TIMM13: variants seen among roughly 807,000 people sequenced by gnomAD.
TIMM13 encodes translocase of inner mitochondrial membrane 13.
Under a neutral mutation model 10.9 loss-of-function variants are expected in TIMM13, and 8 were observed. The observed-to-expected ratio is 0.73, with a 90% confidence interval of 0.43 to 1.32. The LOEUF (loss-of-function observed/expected upper bound fraction) is 1.32. Among genes scored for constraint, TIMM13 ranks in the 40% most tolerant of loss-of-function variants. TIMM13 has a pLI of 0.01. For synonymous variants in TIMM13, 68 were observed against 52.5 expected (o/e 1.30, Z -1.28); for missense variants, 147 against 132.8 (o/e 1.11, Z -0.53).
chr19:2,427,436 G>A lies in TIMM13; in HGVS notation c.98C>T (p.Ala33Val). The part of the protein sequence containing the change: ...MEQVKVQIAV[A>V]NAQELLQRMT... ...CACCTGCAGCAGCTCCTGCGCGTTGGCCACGGCGATCTGCACTTTCACCTG... is the reference window on the plus strand; with the variant it reads ...CACCTGCAGCAGCTCCTGCGCGTTGACCACGGCGATCTGCACTTTCACCTG... Residue 33 changes from alanine to valine, a missense_variant, in exon 1 of 3, where the codon GCC becomes GTC. Coordinates refer to ENST00000215570, the MANE Select transcript of TIMM13 (RefSeq NM_012458.4). 6.2e-7 allele frequency: 1 copy of A among 1,612,790 alleles called. No individual in the cohort carries two copies. The highest frequency in any genetic ancestry group is 8.5e-7 in the Non-Finnish European group (1 of 1,179,682).
chr19:2,427,195 AC>A (rs771989324), intron 2 of TIMM13, 60 bp downstream of exon 2: 841 of 1,587,742 alleles, frequency 5.3e-4, no homozygotes, highest in Non-Finnish European at 6.9e-4. Context: ...GCACGCGCAG[AC>A]ACCTCCCCCC....
chr19:2,427,350 C>T lies in TIMM13; in HGVS notation c.121-26G>A, dbSNP rs761724691. Reference sequence around the variant, plus strand: ...CTGTGGAGACACGCGAGGCTTTAGCCGCGACGTCGGCCCCCAGGGGTGGCC... The same window carrying T: ...CTGTGGAGACACGCGAGGCTTTAGCTGCGACGTCGGCCCCCAGGGGTGGCC... On this transcript the variant is annotated intron_variant, in intron 1 of 2. Coordinates refer to ENST00000215570, the MANE Select transcript of TIMM13 (RefSeq NM_012458.4). The T allele has an allele frequency of 1.1e-5, 18 of 1,612,830 alleles. No individual in the cohort carries two copies. In the South Asian group the frequency reaches 1.6e-4, roughly 15 times the overall value.
chr19:2,426,584 T>C lies in TIMM13; in HGVS notation c.*364A>G. The C allele has an allele frequency of 2.7e-6, 1 of 363,740 alleles. No individual in the cohort carries two copies. The highest frequency in any genetic ancestry group is 5.1e-6 in the Non-Finnish European group (1 of 197,078). The allele number at this position is 363,740 out of a possible 1,614,324, so 22.5% of individuals were successfully genotyped here. A position where few individuals can be genotyped will look rare whatever the true frequency, so the allele number is the denominator to read the frequency against. On this transcript the variant is annotated 3_prime_UTR_variant, in exon 3 of 3. Coordinates refer to ENST00000215570, the MANE Select transcript of TIMM13 (RefSeq NM_012458.4). ...TTTCTCTCCGTCCTCCACCAATTTATTTGCCCATCCGCAGGAGGTGACAGC... is the reference window on the plus strand; with the variant it reads ...TTTCTCTCCGTCCTCCACCAATTTACTTGCCCATCCGCAGGAGGTGACAGC...
In TIMM13 at chr19:2,427,481, TC is replaced by T; in HGVS notation, c.52del (p.Asp18ThrfsTer5). On this transcript the variant is annotated frameshift_variant, in exon 1 of 3. Coordinates refer to ENST00000215570, the MANE Select transcript of TIMM13 (RefSeq NM_012458.4). LOFTEE classifies it high-confidence loss of function. ...CACCTGCTCCATTATGAGCCCTGGG[TC>T]CAGCTTCCCGCTGCCGGAGCCCCCG... ...DFGGSGSGKL[D>X]PGLIMEQVKV... 1.2e-6 allele frequency: 2 copies of T among 1,612,386 alleles called. No homozygotes were observed. Among genetic ancestry groups the T allele is most frequent in the Non-Finnish European group, 1.7e-6 (2 of 1,179,580 alleles).
chr19:2,425,900 G>T lies in TIMM13; in HGVS notation c.*1048C>A. 1 of 1,565,008 alleles carries T rather than the reference G, an allele frequency of 6.4e-7. No homozygotes were observed. ...TGCTGTAGGGGAGGTACCGGCCTCT[G>T]AACCCCCTTTCTTCTCTCCCCAACA... On this transcript the variant is annotated 3_prime_UTR_variant, in exon 3 of 3. Transcript: ENST00000215570.
Position 2,426,747 on chromosome 19 carries a change from G to C in TIMM13, c.*201C>G. On this transcript the variant is annotated 3_prime_UTR_variant, in exon 3 of 3. Coordinates refer to ENST00000215570, the MANE Select transcript of TIMM13 (RefSeq NM_012458.4). ...CACTGGGCTGCCAGCACTTCAGGAA[G>C]GCACAGGGCCCCACACCCCCGAGAT... 3.2e-6 allele frequency: 2 copies of C among 619,382 alleles called. No individual in the cohort carries two copies. The highest frequency in any genetic ancestry group is 5.7e-6 in the Non-Finnish European group (2 of 348,154). The allele number at this position is 619,382 out of a possible 1,614,324, so 38.4% of individuals were successfully genotyped here. A position where few individuals can be genotyped will look rare whatever the true frequency, so the allele number is the denominator to read the frequency against.
In TIMM13 at chr19:2,426,325, C is replaced by G; in HGVS notation, c.*623G>C. The G allele has an allele frequency of 2.7e-6, 1 of 367,238 alleles. No individual in the cohort carries two copies. Among genetic ancestry groups the G allele is most frequent in the Middle Eastern group, 6.9e-4 (1 of 1,456 alleles). The allele number at this position is 367,238 out of a possible 1,614,324, so 22.7% of individuals were successfully genotyped here. ...ACCTGCCTGGTGCTCCACCAGGACC[C>G]GGGGTGGAACGAAGCAGGGTCAAAG... On this transcript the variant is annotated 3_prime_UTR_variant, in exon 3 of 3. Transcript: ENST00000215570.
intron 2 of TIMM13, 64 bp from the exon 3 acceptor site, chr19:2,427,110 C>A (rs752667107): frequency 2.5e-6 from 4 of 1,584,234 alleles, no homozygotes; most frequent in Non-Finnish European, 3.4e-6. Flanking sequence ...CCGCCCTGAC[C>A]CCGGCTCCAG....
rs375431261 is a variant in TIMM13 at position 2,427,441 on chromosome 19, G to A, written c.93C>T (p.Ala31=). 1.1e-5 allele frequency: 18 copies of A among 1,612,690 alleles called. No homozygotes were observed. The highest frequency in any genetic ancestry group is 1.6e-4 in the Middle Eastern group (1 of 6,084). The change falls in exon 1 of 3, where the codon GCC becomes GCT. Residue 31 remains alanine (A), a synonymous_variant. Coordinates refer to ENST00000215570, the MANE Select transcript of TIMM13 (RefSeq NM_012458.4). ...GCAGCAGCTCCTGCGCGTTGGCCAC[G>A]GCGATCTGCACTTTCACCTGCTCCA... is the stretch of plus-strand genomic sequence containing the variant. The part of the protein sequence containing the change: ...LIMEQVKVQI[A]VANAQELLQR...
Position 2,426,755 on chromosome 19 carries a change from G to GC in TIMM13, c.*192dup, listed in dbSNP as rs1971646057. On this transcript the variant is annotated 3_prime_UTR_variant, in exon 3 of 3. Coordinates refer to ENST00000215570, the MANE Select transcript of TIMM13 (RefSeq NM_012458.4). ...TGCCAGCACTTCAGGAAGGCACAGG[G>GC]CCCCACACCCCCGAGATCCAAGCTG... 3 of 640,734 alleles carry GC rather than the reference G, an allele frequency of 4.7e-6. No homozygotes were observed. The highest frequency in any genetic ancestry group is 2.7e-5 in the East Asian group (1 of 36,476). 39.7% of individuals were successfully genotyped at this position (640,734 alleles called of 1,614,324 possible).
chr19:2,426,856 T>TAAGC lies in TIMM13; in HGVS notation c.*88_*91dup. On this transcript the variant is annotated 3_prime_UTR_variant, in exon 3 of 3. Transcript: ENST00000215570. ...TGTCCCAGCACCGGTGCCACCCTCC[T>TAAGC]AAGCCCCGGGCAGGCAGTACGTACA... 7.6e-7 allele frequency: 1 copy of TAAGC among 1,310,872 alleles called. No homozygotes were observed. Among genetic ancestry groups the TAAGC allele is most frequent in the Admixed American group, 2.0e-5 (1 of 50,300 alleles). The allele number at this position is 1,310,872 out of a possible 1,614,324, so 81.2% of individuals were successfully genotyped here.
Position 2,426,727 on chromosome 19 carries a change from G to A in TIMM13, c.*221C>T. 3 of 601,756 alleles carry A rather than the reference G, an allele frequency of 5.0e-6. No homozygotes were observed. Among genetic ancestry groups the A allele is most frequent in the East Asian group, 2.8e-5 (1 of 36,024 alleles). The allele number at this position is 601,756 out of a possible 1,614,324, so 37.3% of individuals were successfully genotyped here. A position where few individuals can be genotyped will look rare whatever the true frequency, so the allele number is the denominator to read the frequency against. On this transcript the variant is annotated 3_prime_UTR_variant, in exon 3 of 3. Transcript: ENST00000215570. ...CAAAGGCCTGAAGGAGGTGCCACTG[G>A]GCTGCCAGCACTTCAGGAAGGCACA...
rs759728385 is a variant in TIMM13 at position 2,427,014 on chromosome 19, C to T, written c.222G>A (p.Met74Ile). ...KCIAMCMDRY[M>I]DAWNTVSRAY... ...CGCGAGACACGGTGTTCCAGGCGTCCATGTAGCGGTCCATGCACATGGCGA... is the reference window on the plus strand; with the variant it reads ...CGCGAGACACGGTGTTCCAGGCGTCTATGTAGCGGTCCATGCACATGGCGA... Residue 74 changes from methionine (M) to isoleucine (I), a missense_variant, in exon 3 of 3, where the codon ATG (methionine) becomes ATA (isoleucine). Transcript: ENST00000215570. The T allele has an allele frequency of 2.5e-6, 4 of 1,609,350 alleles. No homozygotes were observed. Among genetic ancestry groups the T allele is most frequent in the Non-Finnish European group, 3.4e-6 (4 of 1,178,644 alleles).
Position 2,426,111 on chromosome 19 carries a change from G to T in TIMM13, c.*837C>A, listed in dbSNP as rs1453098922. 1 of 1,523,768 alleles carries T rather than the reference G, an allele frequency of 6.6e-7. No homozygotes were observed. 94.4% of individuals were successfully genotyped at this position (1,523,768 alleles called of 1,614,324 possible). ...TGACCACCACGTGACTGCCCAGGCC[G>T]AGACTCTACGTGAAAGCAACAGGAG... On this transcript the variant is annotated 3_prime_UTR_variant, in exon 3 of 3. Transcript: ENST00000215570.
In TIMM13 at chr19:2,426,002, T is replaced by C. The variant is rs756391483; in HGVS notation, c.*946A>G. 6.2e-7 allele frequency: 1 copy of C among 1,607,432 alleles called. No homozygotes were observed. The highest frequency in any genetic ancestry group is 8.5e-7 in the Non-Finnish European group (1 of 1,177,806). ...GCTAACTGGGGTCACTAGCTGGGGC[T>C]ATGGCTGTGGCCGGCCCCACTTCCC... On this transcript the variant is annotated 3_prime_UTR_variant, in exon 3 of 3. Transcript: ENST00000215570.
Position 2,425,902 on chromosome 19 carries a change from AC to A in TIMM13, c.*1045del. On this transcript the variant is annotated 3_prime_UTR_variant, in exon 3 of 3. Transcript: ENST00000215570. ...CTGTAGGGGAGGTACCGGCCTCTGA[AC>A]CCCCTTTCTTCTCTCCCCAACAGGG... 2 of 1,564,780 alleles carry A rather than the reference AC, an allele frequency of 1.3e-6. No individual in the cohort carries two copies. Among genetic ancestry groups the A allele is most frequent in the Non-Finnish European group, 1.7e-6 (2 of 1,161,954 alleles).
Position 2,427,338 on chromosome 19 carries a change from CGA to C in TIMM13, c.121-16_121-15del, listed in dbSNP as rs770707227. 6.2e-7 allele frequency: 1 copy of C among 1,613,146 alleles called. No homozygotes were observed. The highest frequency in any genetic ancestry group is 2.2e-5 in the East Asian group (1 of 44,860). Reference sequence around the variant, plus strand: ...GTCCGTCATCCTCTGTGGAGACACGCGAGGCTTTAGCCGCGACGTCGGCCCCC... The same window carrying C: ...GTCCGTCATCCTCTGTGGAGACACGCGGCTTTAGCCGCGACGTCGGCCCCC... On this transcript the variant is annotated splice_polypyrimidine_tract_variant and intron_variant, in intron 1 of 2. Transcript: ENST00000215570.
chr19:2,425,919 C>G lies in TIMM13; in HGVS notation c.*1029G>C, dbSNP rs375114457. ...GCCTCTGAACCCCCTTTCTTCTCTCCCCAACAGGGTGACGCTGGGGGACCC... is the reference window on the plus strand; with the variant it reads ...GCCTCTGAACCCCCTTTCTTCTCTCGCCAACAGGGTGACGCTGGGGGACCC... On this transcript the variant is annotated 3_prime_UTR_variant, in exon 3 of 3. Coordinates refer to ENST00000215570, the MANE Select transcript of TIMM13 (RefSeq NM_012458.4). 1 of 1,587,218 alleles carries G rather than the reference C, an allele frequency of 6.3e-7. No homozygotes were observed. The highest frequency in any genetic ancestry group is 8.5e-7 in the Non-Finnish European group (1 of 1,171,378).
At position 2,427,397 on chromosome 19, in the gene TIMM13, C is replaced by T; in HGVS notation, c.120+17G>A. 2 of 1,612,032 alleles carry T rather than the reference C, an allele frequency of 1.2e-6. No individual in the cohort carries two copies. The highest frequency in any genetic ancestry group is 1.7e-6 in the Non-Finnish European group (2 of 1,179,300). The stretch of plus-strand genomic sequence containing the variant: ...GGCCCTGTCGCCCCCAGCGCCCGTC[C>T]CCGGCCAGCCCCGCACCTGCAGCAG... On this transcript the variant is annotated intron_variant, in intron 1 of 2. Transcript: ENST00000215570.
Sources: gnomAD v4.1 joint callset for allele counts on GRCh38, gnomAD v4.1.1 for gene constraint, MANE v1.5 for transcripts, NCBI Gene and HGNC (gene_info 2026-07-23, HGNC 2026-07-21) for gene names.